The following SIK3 variants were observed in gnomAD, a reference collection of about 807,000 sequenced individuals.
SIK3 encodes serine/threonine-protein kinase SIK3.
A neutral mutation model predicts 144.2 loss-of-function variants in SIK3; 28 were observed. The ratio of observed to expected loss-of-function variants is 0.19; its 90% CI spans 0.14 to 0.27. The LOEUF is 0.27. Ranked by LOEUF, SIK3 falls within the 10% of genes least tolerant of loss-of-function variation. The probability of loss-of-function intolerance (pLI) is 1.00; values close to 1 mark genes in which losing one functional copy is unlikely to be tolerated. For synonymous variants in SIK3, 686 were observed against 676.3 expected (o/e 1.01, Z -0.22); for missense variants, 1,319 against 1,776.0 (o/e 0.74, Z 4.62).
intron 6 of SIK3, among the ~76,000 whole-genome samples, chr11:116,882,134 G>A (rs1251431927): frequency 6.6e-6 from 1 of 152,032 alleles, no homozygotes; most frequent in Non-Finnish European, 1.5e-5. Flanking sequence ...CACAAGCTAG[G>A]TTAGTACAAA....
At chr11:117,003,380 T>C (rs962136825) in intron 1 of SIK3, among the ~76,000 whole-genome samples, 5 of 152,228 alleles carry the variant, frequency 3.3e-5, no homozygotes, top group African/African-American at 1.2e-4. Flanking sequence ...TTTTGCACTT[T>C]GGGCAATTTG....
At chr11:117,003,278 C>G (rs896167968) in intron 1 of SIK3, among the ~76,000 whole-genome samples, 3 of 152,182 alleles carry the variant, frequency 2.0e-5, no homozygotes, top group African/African-American at 7.2e-5. Context: ...CTCTCACATA[C>G]TTCTGTTCAA....
At chr11:116,958,646 G>A (rs543712593) in intron 1 of SIK3, among the ~76,000 whole-genome samples, 65 of 152,198 alleles carry the variant, frequency 4.3e-4, no homozygotes, top group Non-Finnish European at 9.0e-4. Context: ...AAAAGTCTGG[G>A]AAAGACTTGA....
intron 1 of SIK3, among the ~76,000 whole-genome samples, chr11:116,985,737 A>T (rs1950305464): frequency 6.6e-6 from 1 of 152,200 alleles, no homozygotes; most frequent in Admixed American, 6.5e-5. Context: ...AACACGAATC[A>T]AGAGAAGCCA....
At chr11:116,994,279 C>G (rs1013775725) in intron 1 of SIK3, among the ~76,000 whole-genome samples, 6 of 152,160 alleles carry the variant, frequency 3.9e-5, no homozygotes, top group African/African-American at 1.4e-4. Flanking sequence ...CCTAAGATCA[C>G]TAAGCCACAT....
At chr11:116,877,101 G>C in intron 6 of SIK3, 59 bp from the exon 7 acceptor site, 1 of 1,486,296 alleles carries the variant, frequency 6.7e-7, no homozygotes, top group Admixed American at 1.7e-5. Context: ...CAGGGGAGTA[G>C]AGGAACCAGG....
At chr11:116,935,049 C>T (rs888477570) in intron 3 of SIK3, among the ~76,000 whole-genome samples, 1 of 152,214 alleles carries the variant, frequency 6.6e-6, no homozygotes, top group East Asian at 1.9e-4. Flanking sequence ...CGTGCCACTG[C>T]ACTCCAGCCT....
intron 1 of SIK3, among the ~76,000 whole-genome samples, chr11:117,000,256 G>A (rs1428086983): frequency 6.6e-6 from 1 of 152,156 alleles, no homozygotes; most frequent in Non-Finnish European, 1.5e-5. Flanking sequence ...CAAACCTAAT[G>A]TTGGGCAAGA....
chr11:116,948,020 C>T (rs1948759406), intron 3 of SIK3, among the ~76,000 whole-genome samples: 1 of 151,462 alleles, frequency 6.6e-6, no homozygotes, highest in Non-Finnish European at 1.5e-5. Context: ...CTGCAACCTC[C>T]ACCTCCTAGG....
rs907237790 is a variant in SIK3 at position 117,053,772 on chromosome 11, G to C, written c.273+44371C>G. ...AGTGATCCTTCTCCCTCAGCATCCA[G>C]AGTAGCTGAAACCACAGGCATGTGC... On this transcript the variant is annotated intron_variant, in intron 1 of 24. Transcript: ENST00000445177. 2.0e-5 allele frequency among the ~76,000 whole-genome samples: 3 copies of C among 151,616 alleles called. No individual in the cohort carries two copies. The East Asian group carries it at 5.9e-4, about 30-fold the overall frequency.
chr11:117,091,458 A>G (rs574871643), intron 1 of SIK3, among the ~76,000 whole-genome samples: 14 of 152,160 alleles, frequency 9.2e-5, no homozygotes, highest in African/African-American at 3.1e-4. Context: ...CACCTGCCTC[A>G]GCCTCCCAAA....
intron 1 of SIK3, among the ~76,000 whole-genome samples, chr11:117,016,756 T>C (rs1051905124): frequency 1.3e-5 from 2 of 152,222 alleles, no homozygotes; most frequent in Non-Finnish European, 2.9e-5. Flanking sequence ...TCATGGCGTA[T>C]ACCTTGAATA....
At chr11:116,849,000 A>G in intron 22 of SIK3, 120 bp downstream of exon 22, 10 of 1,170,656 alleles carry the variant, frequency 8.5e-6, no homozygotes, top group Non-Finnish European at 1.2e-5. Flanking sequence ...CACCGTTTCC[A>G]GAAAGGCTGA....
At chr11:117,066,525 G>T (rs889666329) in intron 1 of SIK3, among the ~76,000 whole-genome samples, 1 of 139,554 alleles carries the variant, frequency 7.2e-6, no homozygotes, top group South Asian at 2.2e-4. Context: ...CAACTATAAA[G>T]AAACAATCCT....
At chr11:117,023,604 ACAAAC>A (rs1234982519) in intron 1 of SIK3, among the ~76,000 whole-genome samples, 77 of 49,614 alleles carry the variant, frequency 1.6e-3, no homozygotes, top group Middle Eastern at 0.018. Flanking sequence ...AAACAAACAA[ACAAAC>A]AAAAAAAAAA....
chr11:117,075,691 G>A (rs1591658342), intron 1 of SIK3, among the ~76,000 whole-genome samples: 1 of 150,750 alleles, frequency 6.6e-6, no homozygotes, highest in African/African-American at 2.4e-5. Context: ...ACAGGTGCCC[G>A]CCACCACACC....
At chr11:116,954,189 C>A in intron 2 of SIK3, 82 bp from the exon 3 acceptor site, 1 of 1,093,382 alleles carries the variant, frequency 9.1e-7, no homozygotes. Context: ...CTCCTCTTTT[C>A]TCATTTGAAA....
intron 1 of SIK3, among the ~76,000 whole-genome samples, chr11:117,087,685 T>TGC (rs1252130978): frequency 5.3e-5 from 8 of 152,146 alleles, no homozygotes; most frequent in Admixed American, 1.3e-4. Flanking sequence ...GCTCATACAC[T>TGC]GCTCAGGAGG....
intron 6 of SIK3, among the ~76,000 whole-genome samples, chr11:116,884,417 G>C (rs911022888): frequency 1.4e-5 from 2 of 147,644 alleles, no homozygotes; most frequent in East Asian, 2.0e-4. Flanking sequence ...GTGCGATCTC[G>C]GCTCACTGCA....
Sources: gnomAD v4.1 joint callset for allele counts (sites outside exome capture counted in the v4.1 genomes callset) on GRCh38, gnomAD v4.1.1 for gene constraint, MANE v1.5 for transcripts, NCBI Gene and HGNC (gene_info 2026-07-23, HGNC 2026-07-21) for gene names.